Variants in RGS7 observed in about 807,000 individuals in gnomAD.
RGS7 encodes regulator of G-protein signaling 7.
In RGS7, 27 loss-of-function variants were observed where a neutral mutation model predicts 81.1. The observed-to-expected ratio is 0.33, with a 90% confidence interval of 0.25 to 0.46. The LOEUF (loss-of-function observed/expected upper bound fraction) is 0.46. RGS7 is among the 20% of genes least tolerant of loss of function. RGS7 has a pLI of 1.00. For missense variants in RGS7, 396 were observed against 607.4 expected (o/e 0.65, Z 3.66); for synonymous variants, 208 against 207.7 (o/e 1.00, Z -0.01).
At chr1:240,850,477 C>T (rs978679132) in intron 9 of RGS7, among the ~76,000 whole-genome samples, 5 of 152,196 alleles carry the variant, frequency 3.3e-5, no homozygotes, top group African/African-American at 1.2e-4. Context: ...CTGACTGCTG[C>T]ATCTTCCACT....
At chr1:241,029,508 G>A (rs1200903753) in intron 3 of RGS7, among the ~76,000 whole-genome samples, 1 of 152,178 alleles carries the variant, frequency 6.6e-6, no homozygotes, top group Non-Finnish European at 1.5e-5. Context: ...TGCCCTTTGA[G>A]CAGAATATTC....
At chr1:241,236,140 TATG>T (rs758657610) in intron 2 of RGS7, among the ~76,000 whole-genome samples, 16 of 151,772 alleles carry the variant, frequency 1.1e-4, no homozygotes, top group African/African-American at 2.4e-4. Flanking sequence ...CTGAGTCTTC[TATG>T]ATATCACTGA....
chr1:241,034,230 A>G (rs1007394062), intron 3 of RGS7, among the ~76,000 whole-genome samples: 2 of 152,150 alleles, frequency 1.3e-5, no homozygotes, highest in African/African-American at 4.8e-5. Flanking sequence ...TTTTCAACTT[A>G]CTGGTTTCTT....
At position 240,992,499 on chromosome 1, in the gene RGS7, G is replaced by A. The variant is rs139611423; in HGVS notation, c.176-9370C>T. On this transcript the variant is annotated intron_variant, in intron 3 of 18. Coordinates refer to ENST00000440928, the MANE Select transcript of RGS7 (RefSeq NM_001364886.1). ...AGCCTGGGCGACAGAGCAAGACTCC[G>A]TCTCACAAAATAAACAAAAACAAAA... Among the ~76,000 whole-genome samples, 768 of 151,968 alleles carry A rather than the reference G, an allele frequency of 5.1e-3. 3 individuals are homozygous for A. The highest frequency in any genetic ancestry group is 0.018 in the African/African-American group (735 of 41,396).
intron 6 of RGS7, among the ~76,000 whole-genome samples, chr1:240,903,746 T>C (rs1289394915): frequency 2.6e-5 from 4 of 152,172 alleles, no homozygotes; most frequent in Non-Finnish European, 2.9e-5. Context: ...ACGAATGGCT[T>C]GGTGCCATCC....
At chr1:241,325,000 T>TA (rs916141691) in intron 2 of RGS7, among the ~76,000 whole-genome samples, 1 of 152,198 alleles carries the variant, frequency 6.6e-6, no homozygotes, top group Non-Finnish European at 1.5e-5. Context: ...TAAACAGTGA[T>TA]AAAAAATAAT....
chr1:241,106,270 G>T (rs2065089910), intron 2 of RGS7, among the ~76,000 whole-genome samples: 1 of 152,030 alleles, frequency 6.6e-6, no homozygotes, highest in Non-Finnish European at 1.5e-5. Flanking sequence ...ATAGTTTATT[G>T]CAGTCAGTAT....
At position 240,905,836 on chromosome 1, in the gene RGS7, C is replaced by T. The variant is rs139063965; in HGVS notation, c.385+24881G>A. Among the ~76,000 whole-genome samples the T allele has an allele frequency of 1.2e-3, 188 of 152,324 alleles. 1 individual carries two copies. Among genetic ancestry groups the T allele is most frequent in the African/African-American group, 3.8e-3 (158 of 41,572 alleles). On this transcript the variant is annotated intron_variant, in intron 6 of 18. Transcript: ENST00000440928. ...CTAAGATGACATGCACCAGGGATCTCACCTCTAATCCCGCCATTGCATGAA... is the reference window on the plus strand; with the variant it reads ...CTAAGATGACATGCACCAGGGATCTTACCTCTAATCCCGCCATTGCATGAA...
At chr1:240,890,780 G>A (rs765275320) in intron 6 of RGS7, among the ~76,000 whole-genome samples, 10 of 152,172 alleles carry the variant, frequency 6.6e-5, no homozygotes, top group Non-Finnish European at 1.0e-4. Flanking sequence ...TTGTTGCACA[G>A]CTAATAAATG....
chr1:240,821,760 T>C (rs1279125005), intron 10 of RGS7, among the ~76,000 whole-genome samples: 3 of 152,234 alleles, frequency 2.0e-5, no homozygotes, highest in Non-Finnish European at 1.5e-5. Flanking sequence ...TGCTGTTAAC[T>C]GTAATATTTA....
At chr1:241,010,022 C>T (rs558893351) in intron 3 of RGS7, among the ~76,000 whole-genome samples, 153 of 152,018 alleles carry the variant, frequency 1.0e-3, no homozygotes, top group Non-Finnish European at 1.8e-3. Flanking sequence ...CATCATACAC[C>T]GGGGCCTGTC....
chr1:241,042,235 A>C (rs370815129), intron 3 of RGS7, among the ~76,000 whole-genome samples: 30 of 152,110 alleles, frequency 2.0e-4, no homozygotes, highest in East Asian at 7.7e-4. Context: ...TATTTCATGC[A>C]TGCTGTAGAA....
chr1:240,823,141 GC>G, intron 10 of RGS7: 1 of 1,164,242 alleles, frequency 8.6e-7, no homozygotes, highest in Non-Finnish European at 1.3e-6. Context: ...GCCAACAATG[GC>G]CACATTGGGG....
intron 4 of RGS7, among the ~76,000 whole-genome samples, chr1:240,963,884 C>G (rs1472511109): frequency 1.3e-5 from 2 of 152,178 alleles, no homozygotes; most frequent in Non-Finnish European, 2.9e-5. Context: ...TGGTGGCCCA[C>G]GCCTGTAATC....
rs897120014 is a variant in RGS7, at chr1:241,054,180, G to A, written c.175+44486C>T. 1.4e-4 allele frequency among the ~76,000 whole-genome samples: 22 copies of A among 152,250 alleles called. No individual in the cohort carries two copies. In the Middle Eastern group the frequency reaches 0.01, roughly 71 times the overall value. ...TTAAGGAAAGAACATATAACACTGA[G>A]AATTCATAAACAACCCCAGAACAGT... On this transcript the variant is annotated intron_variant, in intron 3 of 18. Coordinates refer to ENST00000440928, the MANE Select transcript of RGS7 (RefSeq NM_001364886.1).
intron 2 of RGS7, among the ~76,000 whole-genome samples, chr1:241,333,150 C>T (rs2082063976): frequency 6.6e-6 from 1 of 152,188 alleles, no homozygotes; most frequent in South Asian, 2.1e-4. Context: ...AGAGCCAGAC[C>T]CAGGTGCTCC....
chr1:241,007,208 C>T (rs12037425), intron 3 of RGS7, among the ~76,000 whole-genome samples: 20,902 of 152,080 alleles, frequency 0.14, 1,538 homozygotes, highest in East Asian at 0.2. Context: ...TGAGCCACTG[C>T]GCCCAGCCTT....
At chr1:240,847,514 A>G (rs1659307157) in intron 9 of RGS7, among the ~76,000 whole-genome samples, 1 of 152,210 alleles carries the variant, frequency 6.6e-6, no homozygotes, top group East Asian at 1.9e-4. Context: ...GAGGCAGGGA[A>G]AATATAAATG....
intron 4 of RGS7, among the ~76,000 whole-genome samples, chr1:240,942,476 A>T (rs936606710): frequency 3.3e-5 from 5 of 152,234 alleles, no homozygotes; most frequent in Non-Finnish European, 7.3e-5. Context: ...AAAGTAATTT[A>T]AAAACTTCAC....
Sources: allele counts gnomAD v4.1 joint callset (sites outside exome capture counted in the v4.1 genomes callset), GRCh38; gene constraint gnomAD v4.1.1; transcripts MANE v1.5; gene names NCBI Gene and HGNC (gene_info 2026-07-23, HGNC 2026-07-21).